Variants in TNS1 observed in about 807,000 individuals in gnomAD.
The protein encoded by TNS1 is tensin 1, also known as tensin-1.
In TNS1, 62 loss-of-function variants were observed where a neutral mutation model predicts 168.6. That is an observed-to-expected ratio of 0.37 (90% CI 0.30 to 0.45). TNS1 has a LOEUF of 0.45. Among genes scored for constraint, TNS1 ranks in the 20% least tolerant of loss-of-function variants. The pLI is 1.00. For synonymous variants in TNS1, 934 were observed against 933.2 expected, an observed-to-expected ratio of 1.00 and a Z score of -0.02; for missense variants, 2,240 against 2,339.4, an observed-to-expected ratio of 0.96 and a Z score of 0.88.
At chr2:218,013,062 A>G (rs535534829), upstream of TNS1, among the ~76,000 whole-genome samples, 1 of 151,960 alleles carries the variant, frequency 6.6e-6, no homozygotes, top group Non-Finnish European at 1.5e-5. Flanking sequence ...AGCCTGGCCA[A>G]CGTGGTGAAA....
intron 18 of TNS1, among the ~76,000 whole-genome samples, chr2:217,870,985 C>T (rs986386332): frequency 3.3e-5 from 5 of 152,210 alleles, no homozygotes; most frequent in African/African-American, 4.8e-5. Flanking sequence ...GGAGAGGACT[C>T]CCCTCTTGGG....
At position 217,813,573 on chromosome 2, in the gene TNS1, G is replaced by C; in HGVS notation, c.4861+112C>G. The C allele has an allele frequency of 3.4e-6, 5 of 1,453,450 alleles. No individual in the cohort carries two copies. The highest frequency in any genetic ancestry group is 3.7e-6 in the Non-Finnish European group (4 of 1,078,798). 90.0% of individuals were successfully genotyped at this position (1,453,450 alleles called of 1,614,324 possible). On this transcript the variant is annotated intron_variant, in intron 26 of 32. Transcript: ENST00000682258. This position sits in a 1 kb window ranked among gnomAD's most constrained non-coding sequence, Gnocchi z 4.0. ...AGCCCAAGACACCCTCTTCCGAAGA[G>C]CCTGATGGGAGTTAAGGTCCTGCCC...
Position 217,987,683 on chromosome 2 carries a change from G to A in TNS1, c.148+3259C>T, listed in dbSNP as rs141351079. Among the ~76,000 whole-genome samples, 376 of 152,176 alleles carry A rather than the reference G, an allele frequency of 2.5e-3. 3 individuals carry two copies. The highest frequency in any genetic ancestry group is 0.013 in the East Asian group (69 of 5,180). On this transcript the variant is annotated intron_variant, in intron 2 of 32. Coordinates refer to ENST00000682258, the MANE Select transcript of TNS1 (RefSeq NM_001387777.1). ...AATCCAGGGCCTTGACATTCCATGC[G>A]CCCCACCCCACCTATCACCCAGAGC... is the stretch of plus-strand genomic sequence containing the variant.
At chr2:217,882,713 T>C (rs1248509964) in intron 16 of TNS1, among the ~76,000 whole-genome samples, 1 of 152,204 alleles carries the variant, frequency 6.6e-6, no homozygotes, top group Non-Finnish European at 1.5e-5. Context: ...ACTATTTTTA[T>C]GCCACTATTT....
intron 21 of TNS1, 142 bp downstream of exon 21, chr2:217,834,949 T>C: frequency 1.6e-6 from 1 of 610,804 alleles, no homozygotes; most frequent in Non-Finnish European, 2.8e-6. Context: ...GAAGGGGCCA[T>C]GGGAGTGAGG....
intron 1 of TNS1, among the ~76,000 whole-genome samples, chr2:218,018,971 G>C (rs1309814457): frequency 6.6e-6 from 1 of 152,132 alleles, no homozygotes; most frequent in Non-Finnish European, 1.5e-5. Context: ...CAACTACTCG[G>C]GAAGCTGAGG....
intron 3 of TNS1, among the ~76,000 whole-genome samples, chr2:217,957,258 A>T (rs1173071394): frequency 6.6e-6 from 1 of 152,070 alleles, no homozygotes; most frequent in Non-Finnish European, 1.5e-5. Context: ...GGTATTTATG[A>T]GATGAGGTAT....
rs529531451 is a variant in TNS1 at position 217,995,904 on chromosome 2, A to C, written c.34-4848T>G. ...CTGCCACCAGCCCACCCAGCATCAG[A>C]GGGCTTTCGTGGCCCTCGGGGCTTC... On this transcript the variant is annotated intron_variant, in intron 1 of 32. Coordinates refer to ENST00000682258, the MANE Select transcript of TNS1 (RefSeq NM_001387777.1). This position sits in a 1 kb window ranked among gnomAD's most constrained non-coding sequence, Gnocchi z 4.1. Among the ~76,000 whole-genome samples, 190 of 152,248 alleles carry C rather than the reference A, an allele frequency of 1.2e-3. 1 individual carries two copies. Among genetic ancestry groups the C allele is most frequent in the African/African-American group, 4.5e-3 (186 of 41,540 alleles).
At chr2:217,994,730 T>C (rs573774497) in intron 1 of TNS1, among the ~76,000 whole-genome samples, 1 of 152,126 alleles carries the variant, frequency 6.6e-6, no homozygotes, top group African/African-American at 2.4e-5. Flanking sequence ...GAAATCTGAG[T>C]TTACAAAATA....
At chr2:217,828,084 C>T (rs939991463) in intron 22 of TNS1, among the ~76,000 whole-genome samples, 1 of 152,228 alleles carries the variant, frequency 6.6e-6, no homozygotes, top group Non-Finnish European at 1.5e-5. Flanking sequence ...ACTCTCTCTC[C>T]CAGCTCCTGC....
chr2:217,922,644 C>T (rs77758998), intron 3 of TNS1, among the ~76,000 whole-genome samples: 3,280 of 152,338 alleles, frequency 0.022, 114 homozygotes, highest in African/African-American at 0.074. Context: ...TTCTCTGAGA[C>T]GAAGAGGAAG....
chr2:218,013,947 T>C (rs1288317024), upstream of TNS1, among the ~76,000 whole-genome samples: 1 of 152,098 alleles, frequency 6.6e-6, no homozygotes, highest in East Asian at 1.9e-4. Flanking sequence ...TGGATCTGGG[T>C]TAGGAGGGCC....
Position 217,817,767 on chromosome 2 carries a change from C to T in TNS1, c.4565G>A (p.Gly1522Asp). 1 of 1,613,734 alleles carries T rather than the reference C, an allele frequency of 6.2e-7. No homozygotes were observed. Among genetic ancestry groups the T allele is most frequent in the Non-Finnish European group, 8.5e-7 (1 of 1,179,982 alleles). ...GCTGCCCCCACTGGGACTGGACATGCCGCTGGCGACAGGCGAAGACACCTT... is the reference window on the plus strand; with the variant it reads ...GCTGCCCCCACTGGGACTGGACATGTCGCTGGCGACAGGCGAAGACACCTT... ...NGKVSSPVAS[G>D]MSSPSGGSTV... The change falls in exon 24 of 33, where the codon GGC (glycine) becomes GAC (aspartate). Residue 1522 changes from glycine to aspartate, a missense_variant. Gly to Asp is a moderately conservative substitution (Grantham distance 94). Around this residue, in one of 2 missense-constraint regions of TNS1, gnomAD observed 2,131 missense variants for 2,171.2 expected, o/e 0.98. Coordinates refer to ENST00000682258, the MANE Select transcript of TNS1 (RefSeq NM_001387777.1).
At chr2:217,981,365 T>TGGCCTGCCTGACTGTACAGGGCA in intron 2 of TNS1, among the ~76,000 whole-genome samples, 1 of 152,228 alleles carries the variant, frequency 6.6e-6, no homozygotes, top group South Asian at 2.1e-4. Context: ...TGGCAGTGCA[T>TGGCCTGCCTGACTGTACAGGGCA]GGCCTGCCTG....
At chr2:218,002,513 C>A (rs546845580) in intron 1 of TNS1, among the ~76,000 whole-genome samples, 5 of 135,694 alleles carry the variant, frequency 3.7e-5, no homozygotes, top group African/African-American at 1.4e-4. Flanking sequence ...GGATGCAAGT[C>A]GGGAGGAAAG....
chr2:217,941,947 G>C (rs1334229276), intron 3 of TNS1, among the ~76,000 whole-genome samples: 1 of 152,112 alleles, frequency 6.6e-6, no homozygotes, highest in Non-Finnish European at 1.5e-5. Context: ...AAACTCCAAG[G>C]CTTCAGCCAC....
chr2:218,022,444 T>G (rs573938950), intron 1 of TNS1, among the ~76,000 whole-genome samples: 5 of 152,236 alleles, frequency 3.3e-5, no homozygotes, highest in African/African-American at 9.6e-5. Context: ...GCCCTACAAG[T>G]TACATATAAA....
At chr2:218,022,972 C>G (rs1958822019) in intron 1 of TNS1, among the ~76,000 whole-genome samples, 1 of 152,182 alleles carries the variant, frequency 6.6e-6, no homozygotes, top group Admixed American at 6.5e-5. Context: ...CCAACCCCAC[C>G]CCAACCTCAA....
At chr2:217,974,362 T>G (rs758978070) in intron 3 of TNS1, among the ~76,000 whole-genome samples, 2 of 152,194 alleles carry the variant, frequency 1.3e-5, no homozygotes, top group Non-Finnish European at 2.9e-5. Flanking sequence ...TAAAGTGATT[T>G]TGCTGCTACT....
Sources: gnomAD v4.1 joint callset for allele counts (sites outside exome capture counted in the v4.1 genomes callset) on GRCh38, gnomAD v4.1.1 for gene constraint, gnomAD v4.1.1 regional missense constraint, Gnocchi (gnomAD v3.1) non-coding constraint, MANE v1.5 for transcripts, NCBI Gene and HGNC (gene_info 2026-07-23, HGNC 2026-07-21) for gene names.